THADA: variants seen among roughly 807,000 people sequenced by gnomAD.
The protein encoded by THADA is tRNA (32-2'-O)-methyltransferase regulator THADA.
A neutral mutation model predicts 219.8 loss-of-function variants in THADA; 213 were observed. The observed-to-expected ratio is 0.97, with a 90% CI of 0.87 to 1.09. The LOEUF is 1.09. THADA is among the 50% of genes least tolerant of loss of function. The probability of loss-of-function intolerance (pLI) is 0.00; values close to 1 mark genes in which losing one functional copy is unlikely to be tolerated. For synonymous variants in THADA, 1,018 were observed against 828.9 expected (o/e 1.23, Z -3.92); for missense variants, 2,956 against 2,311.3 (o/e 1.28, Z -5.72).
At chr2:43,489,076 C>T (rs905213269) in intron 25 of THADA, among the ~76,000 whole-genome samples, 11 of 152,060 alleles carry the variant, frequency 7.2e-5, no homozygotes, top group African/African-American at 2.7e-4. Flanking sequence ...ATGTATAATA[C>T]GCAAATATTT....
intron 14 of THADA, among the ~76,000 whole-genome samples, chr2:43,568,621 C>A (rs186660761): frequency 2.5e-3 from 376 of 152,260 alleles, no homozygotes; most frequent in Non-Finnish European, 3.9e-3. Context: ...TTCCAAGTAC[C>A]TGAGTTTTCA....
rs563509811 is a variant in THADA at position 43,268,176 on chromosome 2, G to A, written c.5296+11589C>T. 1.8e-4 allele frequency among the ~76,000 whole-genome samples: 28 copies of A among 152,264 alleles called. No homozygotes were observed. The South Asian group carries it at 2.3e-3, about 12-fold the overall frequency. ...AACCCAATTACTGAAATACAGCAAC[G>A]ATTTCCTGGCCATTTTGACATTCAG... On this transcript the variant is annotated intron_variant, in intron 36 of 37. Coordinates refer to ENST00000405975, the MANE Select transcript of THADA (RefSeq NM_022065.5).
chr2:43,334,210 T>G (rs1458031736), intron 30 of THADA, among the ~76,000 whole-genome samples: 3 of 151,470 alleles, frequency 2.0e-5, no homozygotes, highest in Non-Finnish European at 2.9e-5. Flanking sequence ...GATGGGAGTA[T>G]GGATAGGGGG....
At chr2:43,540,777 A>G (rs1186007248) in intron 21 of THADA, among the ~76,000 whole-genome samples, 1 of 152,246 alleles carries the variant, frequency 6.6e-6, no homozygotes, top group Non-Finnish European at 1.5e-5. Context: ...CATGAGATCC[A>G]TAATCAACCA....
In THADA at chr2:43,533,388, G is replaced by T. The variant is rs985813587; in HGVS notation, c.3265-5400C>A. On this transcript the variant is annotated intron_variant, in intron 21 of 37. Transcript: ENST00000405975. ...ATTTGACCCAGCAATCCCATTACTG[G>T]GTATGTACCCAAAGGATTATAAATC... 1.4e-4 allele frequency among the ~76,000 whole-genome samples: 22 copies of T among 152,092 alleles called. No individual in the cohort carries two copies. In the East Asian group the frequency reaches 4.2e-3, roughly 29 times the overall value.
chr2:43,260,512 G>T (rs937712838), intron 36 of THADA, among the ~76,000 whole-genome samples: 2 of 152,142 alleles, frequency 1.3e-5, no homozygotes, highest in African/African-American at 4.8e-5. Context: ...AGGCTGAGGT[G>T]GGAGGATCAC....
At position 43,292,210 on chromosome 2, in the gene THADA, G is replaced by T; in HGVS notation, c.4831C>A (p.Leu1611Ile). The T allele has an allele frequency of 1.2e-6, 2 of 1,603,396 alleles. No individual in the cohort carries two copies. Among genetic ancestry groups the T allele is most frequent in the Non-Finnish European group, 1.7e-6 (2 of 1,175,788 alleles). Reference protein sequence around the residue: ...PECFCKILKILHCMDPGEWLP... With the variant: ...PECFCKILKIIHCMDPGEWLP... ...CACTCACCAGGGTCCATGCAGTGGA[G>T]AATTTTCAGTATCTGTGTAAGCCAA... is the stretch of plus-strand genomic sequence containing the variant. Residue 1611 changes from leucine to isoleucine, a missense_variant, in exon 33 of 38, where the codon CTC (leucine) becomes ATC (isoleucine). Physicochemically the swap from Leu to Ile is conservative, Grantham distance 5. Transcript: ENST00000405975.
intron 36 of THADA, among the ~76,000 whole-genome samples, chr2:43,260,015 G>A (rs925155102): frequency 1.4e-4 from 22 of 152,096 alleles, no homozygotes; most frequent in African/African-American, 4.6e-4. Context: ...ATGGAGTCTC[G>A]CTCTGTCGTC....
chr2:43,368,915 A>G (rs1294650172), intron 29 of THADA, among the ~76,000 whole-genome samples: 1 of 152,098 alleles, frequency 6.6e-6, no homozygotes, highest in Non-Finnish European at 1.5e-5. Context: ...TATAGCAATG[A>G]CACCTCTCCT....
intron 36 of THADA, among the ~76,000 whole-genome samples, chr2:43,260,525 G>C (rs1572814922): frequency 6.6e-6 from 1 of 152,166 alleles, no homozygotes; most frequent in African/African-American, 2.4e-5. Context: ...AGGATCACTT[G>C]AGCCCAGGAG....
chr2:43,236,452 T>C (rs1031842121), intron 36 of THADA, among the ~76,000 whole-genome samples: 2 of 151,626 alleles, frequency 1.3e-5, no homozygotes, highest in East Asian at 3.9e-4. Flanking sequence ...GAGGCTGGAG[T>C]AGGGAGAGGA....
intron 35 of THADA, among the ~76,000 whole-genome samples, chr2:43,286,215 G>A (rs1319137866): frequency 2.6e-5 from 4 of 152,168 alleles, no homozygotes; most frequent in Non-Finnish European, 5.9e-5. Context: ...TGACACATAG[G>A]GCCCGTGTTA....
intron 20 of THADA, among the ~76,000 whole-genome samples, chr2:43,544,586 T>C (rs1249896970): frequency 3.9e-5 from 6 of 151,942 alleles, no homozygotes; most frequent in Non-Finnish European, 7.4e-5. Context: ...GAAGAGGTCC[T>C]TCACGTCCCT....
intron 34 of THADA, among the ~76,000 whole-genome samples, chr2:43,289,562 G>A (rs1674442696): frequency 6.6e-6 from 1 of 152,206 alleles, no homozygotes; most frequent in African/African-American, 2.4e-5. Flanking sequence ...ATAACAACTG[G>A]TTAAAAACAG....
chr2:43,448,560 C>CTTTTTTTTTTTTTTTTTTTTTCTTTTT (rs71410179), intron 26 of THADA, among the ~76,000 whole-genome samples: 11 of 103,608 alleles, frequency 1.1e-4, no homozygotes, highest in Non-Finnish European at 1.5e-4. Flanking sequence ...TTCTTCCTTT[C>CTTTTTTTTTTTTTTTTTTTTTCTTTTT]TTTTTTTTTT....
At chr2:43,341,329 T>C (rs1170773372) in intron 30 of THADA, among the ~76,000 whole-genome samples, 1 of 151,966 alleles carries the variant, frequency 6.6e-6, no homozygotes, top group Non-Finnish European at 1.5e-5. Flanking sequence ...AGCTGGAAAA[T>C]CATGGAGAAA....
intron 30 of THADA, among the ~76,000 whole-genome samples, chr2:43,341,899 C>T (rs1667100517): frequency 6.6e-6 from 1 of 152,122 alleles, no homozygotes; most frequent in Non-Finnish European, 1.5e-5. Flanking sequence ...TAAGCAACTC[C>T]TACTCTCTAA....
At chr2:43,420,975 C>T (rs1238101972) in intron 28 of THADA, among the ~76,000 whole-genome samples, 1 of 152,190 alleles carries the variant, frequency 6.6e-6, no homozygotes, top group Non-Finnish European at 1.5e-5. Flanking sequence ...GTGATTTCCC[C>T]AGCAATAGGA....
chr2:43,413,997 TTAAA>T (rs1465858553), intron 28 of THADA, among the ~76,000 whole-genome samples: 5 of 152,226 alleles, frequency 3.3e-5, no homozygotes, highest in African/African-American at 4.8e-5. Context: ...CTGGTACACC[TTAAA>T]TAATCTCTAG....
Sources: gnomAD v4.1 joint callset for allele counts (sites outside exome capture counted in the v4.1 genomes callset) on GRCh38, gnomAD v4.1.1 for gene constraint, MANE v1.5 for transcripts, NCBI Gene and HGNC (gene_info 2026-07-23, HGNC 2026-07-21) for gene names.